LARGE1: variants seen among roughly 807,000 people sequenced by gnomAD.
LARGE1 encodes LARGE xylosyl- and glucuronyltransferase 1.
A neutral mutation model predicts 87.6 loss-of-function variants in LARGE1; 43 were observed. That is an observed-to-expected ratio of 0.49 (90% CI 0.38 to 0.63). The LOEUF is 0.63. Ranked by LOEUF, LARGE1 falls within the 30% of genes least tolerant of loss-of-function variation. The pLI is 0.00. For missense variants in LARGE1, 802 were observed against 1,000.2 expected, an observed-to-expected ratio of 0.80 and a Z score of 2.67; for synonymous variants, 434 against 394.6, an observed-to-expected ratio of 1.10 and a Z score of -1.18.
chr22:33,662,507 T>C (rs1163784981), intron 2 of LARGE1, among the ~76,000 whole-genome samples: 1 of 152,110 alleles, frequency 6.6e-6, no homozygotes, highest in Non-Finnish European at 1.5e-5. Context: ...GGAGACCACC[T>C]GCTATGCAAG....
In LARGE1 at chr22:33,725,819, TG is replaced by T. The variant is rs1601431403; in HGVS notation, c.106+35551del. On this transcript the variant is annotated intron_variant, in intron 2 of 14. Transcript: ENST00000397394. ...AACTGCAGAATAGTCATAATGACAGTGTTTTTTTTAAAACAATATTTAATAA... is the reference window on the plus strand; with the variant it reads ...AACTGCAGAATAGTCATAATGACAGTTTTTTTTTAAAACAATATTTAATAA... The T allele has an allele frequency of 3.3e-5, 5 of 152,216 alleles. No homozygotes were observed. In the East Asian group the frequency reaches 9.6e-4, roughly 29 times the overall value. 9.4% of individuals were successfully genotyped at this position (152,216 alleles called of 1,614,324 possible). A position where few individuals can be genotyped will look rare whatever the true frequency, so the allele number is the denominator to read the frequency against.
intron 9 of LARGE1, among the ~76,000 whole-genome samples, chr22:33,339,284 GT>G (rs11313825): frequency 0.13 from 19,977 of 152,028 alleles, 2,719 homozygotes; most frequent in African/African-American, 0.35. Context: ...GATGTGTTGT[GT>G]TGGGGTGGGG....
intron 2 of LARGE1, among the ~76,000 whole-genome samples, chr22:33,699,548 T>C (rs974125786): frequency 3.3e-5 from 5 of 152,228 alleles, no homozygotes; most frequent in Admixed American, 1.3e-4. Context: ...GACGGCACGA[T>C]GTAGACAGAT....
intron 11 of LARGE1, among the ~76,000 whole-genome samples, chr22:33,249,567 T>A (rs775393296): frequency 5.3e-5 from 8 of 152,248 alleles, no homozygotes; most frequent in Non-Finnish European, 1.5e-5. Flanking sequence ...TATTAGTTAT[T>A]TCTTCCACAG....
intron 11 of LARGE1, among the ~76,000 whole-genome samples, chr22:33,232,700 A>T (rs1436868961): frequency 6.6e-6 from 1 of 152,194 alleles, no homozygotes; most frequent in African/African-American, 2.4e-5. Context: ...GTTGACAGAA[A>T]TGCAAAGCAG....
At chr22:33,308,466 T>C (rs8141858) in intron 11 of LARGE1, among the ~76,000 whole-genome samples, 3,265 of 152,282 alleles carry the variant, frequency 0.021, 103 homozygotes, top group African/African-American at 0.075. Context: ...ATATGTATTT[T>C]GGGGATAATA....
At chr22:33,409,508 C>T (rs1442820868) in intron 7 of LARGE1, among the ~76,000 whole-genome samples, 1 of 152,174 alleles carries the variant, frequency 6.6e-6, no homozygotes, top group African/African-American at 2.4e-5. Context: ...TGTTACTTGA[C>T]AGTCAGCAGT....
intron 6 of LARGE1, among the ~76,000 whole-genome samples, chr22:33,471,610 TG>T (rs1280183039): frequency 6.6e-5 from 10 of 152,098 alleles, no homozygotes; most frequent in Admixed American, 2.0e-4. Context: ...GCTGAATAAC[TG>T]GTTGGGACCA....
At chr22:33,201,188 A>T (rs901791074) in intron 11 of LARGE1, among the ~76,000 whole-genome samples, 2 of 152,118 alleles carry the variant, frequency 1.3e-5, no homozygotes, top group African/African-American at 4.8e-5. Flanking sequence ...CATGCCTGTA[A>T]TCCCAGCTAC....
In LARGE1 at chr22:33,887,679, G is replaced by A. The variant is rs1347352844; in HGVS notation, c.-83+32316C>T. Among the ~76,000 whole-genome samples, 3 of 151,952 alleles carry A rather than the reference G, an allele frequency of 2.0e-5. No homozygotes were observed. In the East Asian group the frequency reaches 5.8e-4, roughly 29 times the overall value. On this transcript the variant is annotated intron_variant, in intron 1 of 14. Coordinates refer to ENST00000397394, the MANE Select transcript of LARGE1 (RefSeq NM_133642.5). ...CTTGAGCCTGGAGGTGGAGGTTGTGGTGAGTTGACATCGTGCCACTGCACT... is the reference window on the plus strand; with the variant it reads ...CTTGAGCCTGGAGGTGGAGGTTGTGATGAGTTGACATCGTGCCACTGCACT...
intron 1 of LARGE1, among the ~76,000 whole-genome samples, chr22:33,825,827 G>A (rs1034518247): frequency 2.0e-5 from 3 of 152,122 alleles, no homozygotes; most frequent in Non-Finnish European, 4.4e-5. Flanking sequence ...AACAGAGACT[G>A]GAAGCTGCTA....
intron 6 of LARGE1, among the ~76,000 whole-genome samples, chr22:33,554,139 T>G (rs1248278164): frequency 6.6e-6 from 1 of 152,118 alleles, no homozygotes; most frequent in Non-Finnish European, 1.5e-5. Flanking sequence ...TCCCTCCTCA[T>G]GAGTTCTGCT....
intron 5 of LARGE1, among the ~76,000 whole-genome samples, chr22:33,601,390 A>T (rs1475984): frequency 0.34 from 51,037 of 151,934 alleles, 9,924 homozygotes; most frequent in African/African-American, 0.55. Flanking sequence ...CAGTTCCAGA[A>T]CAGCAACTAA....
chr22:33,145,833 CT>C, the LARGE1 span, among the ~76,000 whole-genome samples: 22 of 152,186 alleles, frequency 1.4e-4, no homozygotes, highest in Non-Finnish European at 4.4e-5. Flanking sequence ...TTAGCAATGA[CT>C]GAAACCAATA....
At chr22:33,342,083 G>A (rs933571419) in intron 9 of LARGE1, among the ~76,000 whole-genome samples, 2 of 152,168 alleles carry the variant, frequency 1.3e-5, no homozygotes, top group African/African-American at 4.8e-5. Context: ...GGGTAGGAGA[G>A]GGAAGACTCT....
rs566803389 is a variant in LARGE1 at position 33,667,566 on chromosome 22, C to T, written c.107-16898G>A. On this transcript the variant is annotated intron_variant, in intron 2 of 14. Transcript: ENST00000397394. The stretch of plus-strand genomic sequence containing the variant: ...AAGCCACTGGGGCCAAGAAAAGGTG[C>T]CTAAAAGTATACTTAAAACATTCGA... Among the ~76,000 whole-genome samples, 5 of 152,238 alleles carry T rather than the reference C, an allele frequency of 3.3e-5. No homozygotes were observed. The South Asian group carries it at 8.3e-4, about 25-fold the overall frequency.
chr22:33,388,118 T>C (rs2065392610), intron 7 of LARGE1, among the ~76,000 whole-genome samples: 1 of 152,278 alleles, frequency 6.6e-6, no homozygotes, highest in Non-Finnish European at 1.5e-5. Context: ...GTCTTTAAGA[T>C]TTAACTATGT....
At position 33,705,382 on chromosome 22, in the gene LARGE1, C is replaced by T. The variant is rs531841411; in HGVS notation, c.107-54714G>A. On this transcript the variant is annotated intron_variant, in intron 2 of 14. Transcript: ENST00000397394. The stretch of plus-strand genomic sequence containing the variant: ...GGGTCTATCATGGAGTTAAAGGATA[C>T]GCACAATTTATGGTTCTTGTGATGA... Among the ~76,000 whole-genome samples, 27 of 152,290 alleles carry T rather than the reference C, an allele frequency of 1.8e-4. 2 individuals are homozygous for T. Among genetic ancestry groups the T allele is most frequent in the South Asian group, 1.5e-3 (7 of 4,822 alleles).
rs143882220 is a variant in LARGE1 at position 33,519,315 on chromosome 22, G to A, written c.787+45533C>T. 4.3e-4 allele frequency among the ~76,000 whole-genome samples: 65 copies of A among 152,134 alleles called. 1 individual carries two copies. In the East Asian group the frequency reaches 0.011, roughly 26 times the overall value. The stretch of plus-strand genomic sequence containing the variant: ...AAAGGAGACCCAGGGGGGCTCCCTG[G>A]GGTTGGAGGGAGGAACAGCCAAGGC... On this transcript the variant is annotated intron_variant, in intron 6 of 14. Coordinates refer to ENST00000397394, the MANE Select transcript of LARGE1 (RefSeq NM_133642.5).
Sources: gnomAD v4.1 joint callset for allele counts (sites outside exome capture counted in the v4.1 genomes callset) on GRCh38, gnomAD v4.1.1 for gene constraint, MANE v1.5 for transcripts, NCBI Gene and HGNC (gene_info 2026-07-23, HGNC 2026-07-21) for gene names.